The following ARHGAP15 variants were observed in gnomAD, a reference collection of about 807,000 sequenced individuals.
ARHGAP15 encodes rho GTPase-activating protein 15.
ARHGAP15 carries 51 observed loss-of-function variants against 63.7 expected under a neutral mutation model. The ratio of observed to expected loss-of-function variants is 0.80; its 90% CI spans 0.64 to 1.01. The LOEUF is 1.01. Among genes scored for constraint, ARHGAP15 ranks in the 50% least tolerant of loss-of-function variants. ARHGAP15 has a pLI of 0.00. For synonymous variants in ARHGAP15, 191 were observed against 193.8 expected, an observed-to-expected ratio of 0.99 and a Z score of 0.12; for missense variants, 560 against 564.6, an observed-to-expected ratio of 0.99 and a Z score of 0.08.
chr2:143,588,450 G>A (rs1485133836), intron 11 of ARHGAP15, among the ~76,000 whole-genome samples: 1 of 152,080 alleles, frequency 6.6e-6, no homozygotes, highest in East Asian at 1.9e-4. Context: ...GTGGTTTGCT[G>A]CATTTAATGA....
chr2:143,195,785 A>T (rs879310920), intron 2 of ARHGAP15, among the ~76,000 whole-genome samples: 27 of 152,298 alleles, frequency 1.8e-4, no homozygotes, highest in Non-Finnish European at 3.8e-4. Context: ...CTAAGCCACA[A>T]GATATAAACT....
chr2:143,333,026 A>T (rs995584873), intron 6 of ARHGAP15, among the ~76,000 whole-genome samples: 3 of 151,922 alleles, frequency 2.0e-5, no homozygotes, highest in Non-Finnish European at 4.4e-5. Context: ...GCAAGTTGGC[A>T]TCGTCAGAAG....
intron 12 of ARHGAP15, among the ~76,000 whole-genome samples, chr2:143,634,320 C>T (rs891028650): frequency 6.6e-6 from 1 of 152,128 alleles, no homozygotes; most frequent in African/African-American, 2.4e-5. Context: ...CACCGCACAC[C>T]ACCACCTGTA....
intron 2 of ARHGAP15, among the ~76,000 whole-genome samples, chr2:143,183,494 A>G (rs990203729): frequency 4.1e-4 from 63 of 152,078 alleles, no homozygotes; most frequent in African/African-American, 1.4e-3. Flanking sequence ...AGAGGCTACA[A>G]TTTTTTTTGT....
chr2:143,735,973 G>A (rs753777976), intron 13 of ARHGAP15, among the ~76,000 whole-genome samples: 5 of 152,150 alleles, frequency 3.3e-5, no homozygotes, highest in African/African-American at 4.8e-5. Context: ...GAATATCAAA[G>A]TACTATCCAT....
chr2:143,263,872 A>C (rs1680857903), intron 6 of ARHGAP15, among the ~76,000 whole-genome samples: 1 of 138,112 alleles, frequency 7.2e-6, no homozygotes, highest in Non-Finnish European at 1.5e-5. Context: ...ACAGTCCTAT[A>C]AGATGACTGG....
intron 6 of ARHGAP15, among the ~76,000 whole-genome samples, chr2:143,327,312 C>T (rs928683995): frequency 1.3e-5 from 2 of 152,156 alleles, no homozygotes; most frequent in African/African-American, 4.8e-5. Context: ...GTGAAAATTG[C>T]TGTACGGCCC....
intron 11 of ARHGAP15, among the ~76,000 whole-genome samples, chr2:143,611,887 T>C (rs1698270098): frequency 6.6e-6 from 1 of 152,240 alleles, no homozygotes; most frequent in South Asian, 2.1e-4. Flanking sequence ...CTATGTTCAT[T>C]AAATGGATGG....
At chr2:143,723,940 C>T (rs1685171452) in intron 13 of ARHGAP15, among the ~76,000 whole-genome samples, 1 of 152,154 alleles carries the variant, frequency 6.6e-6, no homozygotes, top group African/African-American at 2.4e-5. Context: ...AACTGGGCTC[C>T]AGCCCCAGCT....
At chr2:143,292,631 A>G (rs1379967703) in intron 6 of ARHGAP15, among the ~76,000 whole-genome samples, 1 of 152,054 alleles carries the variant, frequency 6.6e-6, no homozygotes, top group Non-Finnish European at 1.5e-5. Context: ...AAAAATTATT[A>G]TAATAGAAAG....
At chr2:143,357,198 T>C (rs1286968560) in intron 6 of ARHGAP15, among the ~76,000 whole-genome samples, 1 of 152,214 alleles carries the variant, frequency 6.6e-6, no homozygotes, top group African/African-American at 2.4e-5. Flanking sequence ...GTTTTCTGTG[T>C]GCATTCTGCA....
chr2:143,634,481 C>T (rs1680206294), intron 12 of ARHGAP15, among the ~76,000 whole-genome samples: 1 of 152,126 alleles, frequency 6.6e-6, no homozygotes, highest in Non-Finnish European at 1.5e-5. Context: ...CACTTATTTA[C>T]AGAATCCCTG....
intron 12 of ARHGAP15, among the ~76,000 whole-genome samples, chr2:143,679,324 A>G (rs1043099464): frequency 8.5e-5 from 13 of 152,240 alleles, no homozygotes; most frequent in Non-Finnish European, 1.9e-4. Flanking sequence ...CCATAAGACA[A>G]ATAGCCATGA....
rs189086561 is a variant in ARHGAP15 at position 143,329,273 on chromosome 2, C to G, written c.474+78673C>G. 3.1e-3 allele frequency among the ~76,000 whole-genome samples: 472 copies of G among 152,298 alleles called. 1 individual carries two copies. Among genetic ancestry groups the G allele is most frequent in the African/African-American group, 0.011 (456 of 41,566 alleles). The stretch of plus-strand genomic sequence containing the variant: ...AAATGCAGTTAAGGTCCCAAAGCAG[C>G]TGAATTTACTCAAAAAGGAGATGAT... On this transcript the variant is annotated intron_variant, in intron 6 of 13. Coordinates refer to ENST00000295095, the MANE Select transcript of ARHGAP15 (RefSeq NM_018460.4).
intron 2 of ARHGAP15, among the ~76,000 whole-genome samples, chr2:143,175,385 A>G (rs1014334657): frequency 6.6e-6 from 1 of 152,198 alleles, no homozygotes; most frequent in African/African-American, 2.4e-5. Flanking sequence ...AAATTGGCGT[A>G]AGTAACTGGC....
intron 12 of ARHGAP15, among the ~76,000 whole-genome samples, chr2:143,699,062 C>T (rs1285086193): frequency 1.3e-5 from 2 of 152,120 alleles, no homozygotes; most frequent in Admixed American, 6.6e-5. Context: ...AATCTTAGCT[C>T]ATTAACCACT....
chr2:143,623,023 C>T (rs984317348), intron 11 of ARHGAP15, among the ~76,000 whole-genome samples: 1 of 152,132 alleles, frequency 6.6e-6, no homozygotes, highest in East Asian at 1.9e-4. Flanking sequence ...CCAAATACCT[C>T]GGCGCTTGCC....
chr2:143,655,756 C>T (rs1236207939), intron 12 of ARHGAP15, among the ~76,000 whole-genome samples: 1 of 152,154 alleles, frequency 6.6e-6, no homozygotes, highest in Non-Finnish European at 1.5e-5. Context: ...TCAGTGTTTT[C>T]CTGCTTCTAC....
chr2:143,402,884 C>T lies in ARHGAP15; in HGVS notation c.475-32717C>T, dbSNP rs983331922. 6.6e-5 allele frequency among the ~76,000 whole-genome samples: 10 copies of T among 151,890 alleles called. No individual in the cohort carries two copies. The East Asian group carries it at 1.7e-3, about 26-fold the overall frequency. ...ATGAAAATTTTTTTTCACCTGTTAG[C>T]TGTCTACCTGGCTAAGGACATTTCT... On this transcript the variant is annotated intron_variant, in intron 6 of 13. Transcript: ENST00000295095.
Sources: gnomAD v4.1 joint callset for allele counts (sites outside exome capture counted in the v4.1 genomes callset) on GRCh38, gnomAD v4.1.1 for gene constraint, MANE v1.5 for transcripts, NCBI Gene and HGNC (gene_info 2026-07-23, HGNC 2026-07-21) for gene names.